Variants in SLC24A3 observed in about 807,000 individuals in gnomAD.
SLC24A3 encodes the protein solute carrier family 24 member 3.
In SLC24A3, 28 loss-of-function variants were observed where a neutral mutation model predicts 75.8. The ratio of observed to expected loss-of-function variants is 0.37; its 90% CI spans 0.27 to 0.51. SLC24A3 has a LOEUF of 0.51. Ranked by LOEUF, SLC24A3 falls within the 20% of genes least tolerant of loss-of-function variation. The probability of loss-of-function intolerance (pLI) is 0.94; values close to 1 mark genes in which losing one functional copy is unlikely to be tolerated. For missense variants in SLC24A3, 663 were observed against 847.8 expected, an observed-to-expected ratio of 0.78 and a Z score of 2.71; for synonymous variants, 372 against 334.1, an observed-to-expected ratio of 1.11 and a Z score of -1.24.
At chr20:19,581,801 G>C (rs1163265338) in intron 4 of SLC24A3, among the ~76,000 whole-genome samples, 1 of 152,162 alleles carries the variant, frequency 6.6e-6, no homozygotes, top group Non-Finnish European at 1.5e-5. Flanking sequence ...CAAGTCTTCA[G>C]GCTTTTCTCT....
In SLC24A3 at chr20:19,296,789, A is replaced by T. The variant is rs184384198; in HGVS notation, c.271+15702A>T. 1.6e-3 allele frequency among the ~76,000 whole-genome samples: 241 copies of T among 152,320 alleles called. 1 individual carries two copies. Among genetic ancestry groups the T allele is most frequent in the African/African-American group, 5.4e-3 (223 of 41,560 alleles). On this transcript the variant is annotated intron_variant, in intron 2 of 16. Coordinates refer to ENST00000328041, the MANE Select transcript of SLC24A3 (RefSeq NM_020689.4). ...GCTTTCCACCTAAAAACAACAGATT[A>T]TACATTCTTCTTGGAGCCACGTGGC...
intron 2 of SLC24A3, among the ~76,000 whole-genome samples, chr20:19,291,408 C>T (rs1398053714): frequency 6.6e-6 from 1 of 152,222 alleles, no homozygotes; most frequent in Non-Finnish European, 1.5e-5. Context: ...TCAGAGGCAC[C>T]AAGCACAGTC....
At chr20:19,714,390 A>G (rs1246861011) in intron 15 of SLC24A3, among the ~76,000 whole-genome samples, 1 of 146,388 alleles carries the variant, frequency 6.8e-6, no homozygotes, top group African/African-American at 2.5e-5. Flanking sequence ...GGACAACACA[A>G]TGAGACCCAG....
At chr20:19,294,856 C>T (rs1410101393) in intron 2 of SLC24A3, among the ~76,000 whole-genome samples, 4 of 152,136 alleles carry the variant, frequency 2.6e-5, no homozygotes, top group Admixed American at 1.3e-4. Flanking sequence ...TTTGAGGAAT[C>T]GCCACACTGT....
chr20:19,259,289 A>G (rs189480261), intron 1 of SLC24A3, among the ~76,000 whole-genome samples: 41 of 152,318 alleles, frequency 2.7e-4, no homozygotes, highest in African/African-American at 7.5e-4. Context: ...ATGTCTCAGG[A>G]GCAAAGGACC....
chr20:19,713,982 A>G (rs973740871), intron 15 of SLC24A3, among the ~76,000 whole-genome samples: 2 of 152,204 alleles, frequency 1.3e-5, no homozygotes, highest in Admixed American at 6.5e-5. Context: ...GCCAGAGAGG[A>G]AATATTTTAA....
In SLC24A3 at chr20:19,509,476, G is replaced by A. The variant is rs114420336; in HGVS notation, c.272-6012G>A. 3.8e-3 allele frequency among the ~76,000 whole-genome samples: 576 copies of A among 152,354 alleles called. 3 individuals are homozygous for A. Among genetic ancestry groups the A allele is most frequent in the African/African-American group, 0.013 (550 of 41,586 alleles). On this transcript the variant is annotated intron_variant, in intron 2 of 16. Transcript: ENST00000328041. The stretch of plus-strand genomic sequence containing the variant: ...AACTGAGGCCAAGAAGCACTTGGCA[G>A]AGCCTTCCAGTCCAGTGCACCACAC...
At chr20:19,526,765 A>G (rs2030205946) in intron 3 of SLC24A3, among the ~76,000 whole-genome samples, 1 of 152,102 alleles carries the variant, frequency 6.6e-6, no homozygotes, top group Non-Finnish European at 1.5e-5. Flanking sequence ...CTAAAGTAAG[A>G]GTATAAGTTA....
intron 2 of SLC24A3, chr20:19,283,277 G>A (rs1568578077): frequency 2.6e-5 from 4 of 152,584 alleles, no homozygotes; most frequent in South Asian, 4.1e-4. Context: ...GAGCCCACGT[G>A]CTTCATGAAG....
At chr20:19,612,607 A>AGTGTGTGTGTGTGTGTGTGT (rs71198018) in intron 6 of SLC24A3, among the ~76,000 whole-genome samples, 59 of 146,938 alleles carry the variant, frequency 4.0e-4, no homozygotes, top group East Asian at 1.2e-3. Flanking sequence ...CCTTAAGAAA[A>AGTGTGTGTGTGTGTGTGTGT]GTGTGTGTGT....
intron 6 of SLC24A3, among the ~76,000 whole-genome samples, chr20:19,595,988 T>A (rs1185287828): frequency 6.6e-6 from 1 of 152,020 alleles, no homozygotes; most frequent in African/African-American, 2.4e-5. Flanking sequence ...ATAGGCCAGT[T>A]TGGAGCCTGG....
intron 2 of SLC24A3, among the ~76,000 whole-genome samples, chr20:19,334,873 G>A (rs1600435059): frequency 6.6e-6 from 1 of 152,156 alleles, no homozygotes; most frequent in East Asian, 1.9e-4. Flanking sequence ...CTGCATGTGG[G>A]CTGAATGTCC....
chr20:19,670,038 G>T (rs2032448122), intron 8 of SLC24A3, among the ~76,000 whole-genome samples: 1 of 152,196 alleles, frequency 6.6e-6, no homozygotes, highest in Non-Finnish European at 1.5e-5. Flanking sequence ...GGAGGGCCGG[G>T]TGACTTCCAA....
At chr20:19,331,015 G>A (rs916512937) in intron 2 of SLC24A3, among the ~76,000 whole-genome samples, 2 of 152,186 alleles carry the variant, frequency 1.3e-5, no homozygotes. Flanking sequence ...CCAAAATGCT[G>A]AAGTTGTGAA....
intron 6 of SLC24A3, among the ~76,000 whole-genome samples, chr20:19,586,826 G>C (rs2031303779): frequency 6.6e-6 from 1 of 152,190 alleles, no homozygotes; most frequent in Non-Finnish European, 1.5e-5. Flanking sequence ...CCCAGTACAT[G>C]GTGACTGAGC....
At chr20:19,474,724 T>G (rs751507739) in intron 2 of SLC24A3, among the ~76,000 whole-genome samples, 48 of 152,356 alleles carry the variant, frequency 3.2e-4, no homozygotes, top group African/African-American at 5.5e-4. Context: ...TGGAATTTTT[T>G]TGTGTGTGTG....
chr20:19,224,313 C>CA (rs1376565649), intron 1 of SLC24A3, among the ~76,000 whole-genome samples: 1 of 152,074 alleles, frequency 6.6e-6, no homozygotes. Flanking sequence ...CACCTATTCC[C>CA]AAAAAAGTCA....
At chr20:19,424,117 G>T (rs1354551450) in intron 2 of SLC24A3, among the ~76,000 whole-genome samples, 1 of 152,164 alleles carries the variant, frequency 6.6e-6, no homozygotes, top group Non-Finnish European at 1.5e-5. Context: ...TGCAAGGGAG[G>T]CCAGGGGTGA....
intron 6 of SLC24A3, among the ~76,000 whole-genome samples, chr20:19,591,709 A>G (rs1367686509): frequency 6.6e-6 from 1 of 152,202 alleles, no homozygotes; most frequent in East Asian, 1.9e-4. Context: ...TAGTTACTCA[A>G]TTGGTTTAGG....
Sources: allele counts gnomAD v4.1 joint callset (sites outside exome capture counted in the v4.1 genomes callset), GRCh38; gene constraint gnomAD v4.1.1; transcripts MANE v1.5; gene names NCBI Gene and HGNC (gene_info 2026-07-23, HGNC 2026-07-21).